MANSC1: variants seen among roughly 807,000 people sequenced by gnomAD.
The protein encoded by MANSC1 is MANSC domain containing 1.
In MANSC1, 13 loss-of-function variants were observed where a neutral mutation model predicts 14.1. The ratio of observed to expected loss-of-function variants is 0.92; its 90% confidence interval spans 0.60 to 1.46. MANSC1 has a LOEUF of 1.46. MANSC1 is among the 40% of genes most tolerant of loss of function. MANSC1 has a pLI of 0.00. For synonymous variants in MANSC1, 227 were observed against 200.7 expected, an observed-to-expected ratio of 1.13 and a Z score of -1.11; for missense variants, 486 against 511.4, an observed-to-expected ratio of 0.95 and a Z score of 0.48.
chr12:12,330,864 T>G lies in MANSC1; in HGVS notation c.459A>C (p.Leu153=), dbSNP rs764187374. The G allele has an allele frequency of 5.0e-6, 8 of 1,614,056 alleles. No individual in the cohort carries two copies. Among genetic ancestry groups the G allele is most frequent in the Non-Finnish European group, 6.8e-6 (8 of 1,179,930 alleles). ...HGQFSQAVTP[L]AHHHTDYSKP... Reference sequence around the variant, plus strand: ...TTGAATAATCTGTGTGATGATGGGCTAGGGGAGTGACTGCTTGTGAAAATT... The same window carrying G: ...TTGAATAATCTGTGTGATGATGGGCGAGGGGAGTGACTGCTTGTGAAAATT... The change falls in exon 4 of 4, where the codon CTA becomes CTC. Residue 153 remains leucine (L), a synonymous_variant. Transcript: ENST00000535902.
intron 1 of MANSC1, among the ~76,000 whole-genome samples, chr12:12,343,644 C>T (rs934213565): frequency 6.6e-6 from 1 of 152,154 alleles, no homozygotes; most frequent in Admixed American, 6.5e-5. Context: ...TGCTTAAAAG[C>T]TGACAATGCT....
intron 3 of MANSC1, among the ~76,000 whole-genome samples, chr12:12,336,533 A>ATTT (rs574909847): frequency 6.8e-6 from 1 of 147,298 alleles, no homozygotes; most frequent in African/African-American, 2.5e-5. Flanking sequence ...TTGTTTTCCT[A>ATTT]TTTTTTTTTT....
chr12:12,336,413 G>A (rs984486391), intron 3 of MANSC1, among the ~76,000 whole-genome samples: 4 of 152,056 alleles, frequency 2.6e-5, no homozygotes, highest in Non-Finnish European at 2.9e-5. Flanking sequence ...CTATTATACC[G>A]TCCTGTCTCA....
rs1319619273 is a variant in MANSC1, at chr12:12,343,086, A to G, written c.223+6T>C. 4 of 1,603,324 alleles carry G rather than the reference A, an allele frequency of 2.5e-6. No individual in the cohort carries two copies. Among genetic ancestry groups the G allele is most frequent in the Non-Finnish European group, 3.4e-6 (4 of 1,170,624 alleles). ...AACAAAGGATTGCCAAGAAACCACT[A>G]TTTACCTGATATGTTTTTTGTTGAA... On this transcript the variant is annotated splice_donor_region_variant and intron_variant, in intron 2 of 3. Transcript: ENST00000535902.
rs1309267898 is a variant in MANSC1, at chr12:12,328,185, CTT to C, written c.*1840_*1841del. 2.6e-5 allele frequency: 4 copies of C among 152,152 alleles called. No homozygotes were observed. The highest frequency in any genetic ancestry group is 5.9e-5 in the Non-Finnish European group (4 of 68,024). The allele number at this position is 152,152 out of a possible 1,614,324, so 9.4% of individuals were successfully genotyped here. A position where few individuals can be genotyped will look rare whatever the true frequency, so the allele number is the denominator to read the frequency against. On this transcript the variant is annotated 3_prime_UTR_variant, in exon 4 of 4. Coordinates refer to ENST00000535902, the MANE Select transcript of MANSC1 (RefSeq NM_018050.4). ...CCTCACCTATAACTTGTCTGGAAAA[CTT>C]TATTAAAAGCCTTTCTCAGAAATTT...
intron 2 of MANSC1, among the ~76,000 whole-genome samples, chr12:12,342,252 C>A (rs895410905): frequency 1.3e-5 from 2 of 152,206 alleles, no homozygotes; most frequent in African/African-American, 4.8e-5. Context: ...CATTCACTAG[C>A]TTTTCTAGGC....
Position 12,343,182 on chromosome 12 carries a change from G to A in MANSC1, c.133C>T (p.Leu45Phe). The change falls in exon 2 of 4, where the codon CTT (leucine) becomes TTT (phenylalanine). Residue 45 changes from leucine (L) to phenylalanine (F), a missense_variant. Transcript: ENST00000535902. ...EDVVIDIQSS[L>F]SKGIRGNEPV... ...TCATTGCCTCTGATTCCCTTAGAAA[G>A]AGATGACTGGATGTCAATGACAACA... The A allele has an allele frequency of 6.2e-7, 1 of 1,613,854 alleles. No individual in the cohort carries two copies. The highest frequency in any genetic ancestry group is 8.5e-7 in the Non-Finnish European group (1 of 1,179,738).
At chr12:12,336,233 G>A (rs1160887323) in intron 3 of MANSC1, among the ~76,000 whole-genome samples, 1 of 152,110 alleles carries the variant, frequency 6.6e-6, no homozygotes, top group African/African-American at 2.4e-5. Flanking sequence ...CACTCTCTGC[G>A]TATTTCACAA....
intron 1 of MANSC1, among the ~76,000 whole-genome samples, chr12:12,349,142 C>T (rs1290545340): frequency 6.6e-6 from 1 of 152,174 alleles, no homozygotes; most frequent in African/African-American, 2.4e-5. Flanking sequence ...CATTCCATTT[C>T]AGAAGTCGGT....
At chr12:12,343,005 A>T in intron 2 of MANSC1, 87 bp downstream of exon 2, 1 of 906,930 alleles carries the variant, frequency 1.1e-6, no homozygotes, top group Non-Finnish European at 1.8e-6. Flanking sequence ...GTCGAGAATC[A>T]CTGGTATAAG....
At chr12:12,335,616 T>C (rs1862848535) in intron 3 of MANSC1, among the ~76,000 whole-genome samples, 1 of 149,074 alleles carries the variant, frequency 6.7e-6, no homozygotes, top group Non-Finnish European at 1.5e-5. Context: ...TGGGATTACA[T>C]ACATGAGTCA....
At position 12,326,611 on chromosome 12, in the gene MANSC1, T is replaced by G. The variant is rs73061426; in HGVS notation, c.*3416A>C. 12,342 of 144,128 alleles carry G rather than the reference T, an allele frequency of 0.086. 578 individuals carry two copies. The highest frequency in any genetic ancestry group is 0.12 in the Non-Finnish European group (7,648 of 66,326). The allele number at this position is 144,128 out of a possible 1,614,324, so 8.9% of individuals were successfully genotyped here. On this transcript the variant is annotated 3_prime_UTR_variant, in exon 4 of 4. Coordinates refer to ENST00000535902, the MANE Select transcript of MANSC1 (RefSeq NM_018050.4). ...TTTTTAAGAGTTTTTTAGTTTTTTT[T>G]TTGTTGTTGTTGTTTTGTTTTTTTT...
rs73277481 is a variant in MANSC1 at position 12,340,575 on chromosome 12, G to A, written c.224-2015C>T. Among the ~76,000 whole-genome samples the A allele has an allele frequency of 4.1e-3, 621 of 152,232 alleles. 5 individuals carry two copies. Among genetic ancestry groups the A allele is most frequent in the African/African-American group, 0.014 (587 of 41,524 alleles). On this transcript the variant is annotated intron_variant, in intron 2 of 3. Transcript: ENST00000535902. ...ATGTGCATTTTTCTAGAGTATCATC[G>A]AGTTATCATAGTGCCTTTTGAACCC... is the stretch of plus-strand genomic sequence containing the variant.
chr12:12,343,277 A>T lies in MANSC1; in HGVS notation c.38T>A (p.Leu13Ter). ...TAGTGTCAGGAAGCAAATTATTACC[A>T]AAGTGTAAGTCAAGCTCCCTTCTCC... ...FGGEGSLTYTLVIICFLTLRL... is the reference protein window; with the variant it reads ...FGGEGSLTYT Residue 13 changes from leucine to a stop codon, truncating the protein, a stop_gained, in exon 2 of 4, where the codon TTG (leucine) becomes TAG (stop). Transcript: ENST00000535902. LOFTEE classifies it high-confidence loss of function. 1.2e-6 allele frequency: 2 copies of T among 1,614,116 alleles called. No homozygotes were observed. Among genetic ancestry groups the T allele is most frequent in the South Asian group, 2.2e-5 (2 of 91,084 alleles).
rs1303327954 is a variant in MANSC1, at chr12:12,343,311, A to T, written c.4T>A (p.Phe2Ile). Residue 2 changes from phenylalanine (F) to isoleucine (I), a missense_variant, in exon 2 of 4, where the codon TTC (phenylalanine) becomes ATC (isoleucine). Physicochemically the swap from Phe to Ile is conservative, Grantham distance 21 (BLOSUM62 0). Transcript: ENST00000535902. M[F>I]FGGEGSLTYT... ...GTCAAGCTCCCTTCTCCCCCGAAGA[A>T]CATTTTAAATTTCAGTTTAGTTTTG... 6.2e-7 allele frequency: 1 copy of T among 1,612,434 alleles called. No homozygotes were observed. Among genetic ancestry groups the T allele is most frequent in the Non-Finnish European group, 8.5e-7 (1 of 1,178,538 alleles).
In MANSC1 at chr12:12,330,461, T is replaced by C. The variant is rs769089910; in HGVS notation, c.862A>G (p.Thr288Ala). 2.5e-6 allele frequency: 4 copies of C among 1,614,106 alleles called. No homozygotes were observed. The highest frequency in any genetic ancestry group is 2.5e-6 in the Non-Finnish European group (3 of 1,180,010). ...GCTTGGAGTGTAGCCGCAGCCCGTG[T>C]AAAAACTGTAGAAATGAGGGTCGTG... is the stretch of plus-strand genomic sequence containing the variant. ...PPTTLISTVF[T>A]RAAATLQAMA... is the part of the protein sequence containing the mutation. The change falls in exon 4 of 4, where the codon ACA (threonine) becomes GCA (alanine). Residue 288 changes from threonine to alanine, a missense_variant. Coordinates refer to ENST00000535902, the MANE Select transcript of MANSC1 (RefSeq NM_018050.4).
Position 12,329,886 on chromosome 12 carries a change from CA to C in MANSC1, c.*140del, listed in dbSNP as rs879180239. On this transcript the variant is annotated 3_prime_UTR_variant, in exon 4 of 4. Coordinates refer to ENST00000535902, the MANE Select transcript of MANSC1 (RefSeq NM_018050.4). ...GGGCAACAAAGCAAGACTCTGTCTC[CA>C]AAAAAAAAAAAGGAAAGCAGAAGGG... 56,343 of 563,640 alleles carry C rather than the reference CA, an allele frequency of 0.1. No individual in the cohort carries two copies. The highest frequency in any genetic ancestry group is 0.15 in the South Asian group (5,859 of 39,306). The allele number at this position is 563,640 out of a possible 1,614,324, so 34.9% of individuals were successfully genotyped here.
rs765114119 is a variant in MANSC1, at chr12:12,330,483, C to T, written c.840G>A (p.Thr280=). The T allele has an allele frequency of 3.7e-6, 6 of 1,614,076 alleles. No homozygotes were observed. The highest frequency in any genetic ancestry group is 3.3e-5 in the South Asian group (3 of 91,072). The part of the protein sequence containing the change: ...PVTTVTSQPP[T]TLISTVFTRA... Reference sequence around the variant, plus strand: ...GTGTAAAAACTGTAGAAATGAGGGTCGTGGGAGGCTGAGAAGTGACAGTGG... The same window carrying T: ...GTGTAAAAACTGTAGAAATGAGGGTTGTGGGAGGCTGAGAAGTGACAGTGG... Residue 280 remains threonine (T), a synonymous_variant, in exon 4 of 4, where the codon ACG becomes ACA. Transcript: ENST00000535902.
At position 12,326,321 on chromosome 12, in the gene MANSC1, T is replaced by TC. The variant is rs1862701290; in HGVS notation, c.*3705_*3706insG. The stretch of plus-strand genomic sequence containing the variant: ...AAAGGGCTTTTCTCCTTGTGCAGCC[T>TC]TCCCTTTACAAGCAAGAAAATCTCT... On this transcript the variant is annotated 3_prime_UTR_variant, in exon 4 of 4. Transcript: ENST00000535902. 6.6e-6 allele frequency: 1 copy of TC among 152,192 alleles called. No individual in the cohort carries two copies. The highest frequency in any genetic ancestry group is 1.5e-5 in the Non-Finnish European group (1 of 68,038). The allele number at this position is 152,192 out of a possible 1,614,324, so 9.4% of individuals were successfully genotyped here. A position where few individuals can be genotyped will look rare whatever the true frequency, so the allele number is the denominator to read the frequency against.
Sources: gnomAD v4.1 joint callset for allele counts (sites outside exome capture counted in the v4.1 genomes callset) on GRCh38, gnomAD v4.1.1 for gene constraint, MANE v1.5 for transcripts, NCBI Gene and HGNC (gene_info 2026-07-23, HGNC 2026-07-21) for gene names.